DENND2A: variants seen among roughly 807,000 people sequenced by gnomAD.
DENND2A encodes the protein DENN domain containing 2A.
A neutral mutation model predicts 105.3 loss-of-function variants in DENND2A; 53 were observed. The observed-to-expected ratio is 0.50, with a 90% CI of 0.40 to 0.63. DENND2A has a LOEUF of 0.63. DENND2A is among the 30% of genes least tolerant of loss of function. The pLI is 0.00. For missense variants in DENND2A, 1,138 were observed against 1,279.6 expected (o/e 0.89, Z 1.69); for synonymous variants, 522 against 508.4 (o/e 1.03, Z -0.36).
chr7:140,562,819 T>G (rs1003815538), intron 9 of DENND2A, among the ~76,000 whole-genome samples: 1 of 152,220 alleles, frequency 6.6e-6, no homozygotes, highest in Non-Finnish European at 1.5e-5. Flanking sequence ...ATAGACTTAG[T>G]TGTCCTTTAG....
intron 1 of DENND2A, among the ~76,000 whole-genome samples, chr7:140,612,505 A>ATT (rs552346129): frequency 1.8e-3 from 260 of 145,528 alleles, no homozygotes; most frequent in Non-Finnish European, 2.7e-3. Context: ...TGTTATACTA[A>ATT]TTTTTTTTTT....
At chr7:140,528,505 C>T (rs1796141105) in intron 14 of DENND2A, among the ~76,000 whole-genome samples, 1 of 151,884 alleles carries the variant, frequency 6.6e-6, no homozygotes, top group Non-Finnish European at 1.5e-5. Context: ...CACGGTGGCT[C>T]ACGCCTGTAA....
chr7:140,628,536 C>CTTTTTTTT (rs987018660), intron 1 of DENND2A, among the ~76,000 whole-genome samples: 5 of 116,138 alleles, frequency 4.3e-5, no homozygotes, highest in African/African-American at 1.0e-4. Flanking sequence ...AAATTTCTTT[C>CTTTTTTTT]TTTTTTTTTT....
chr7:140,521,077 C>T (rs1325883900), intron 18 of DENND2A, among the ~76,000 whole-genome samples: 1 of 146,714 alleles, frequency 6.8e-6, no homozygotes, highest in Admixed American at 6.8e-5. Flanking sequence ...GGTTTCACCA[C>T]GTTGGCCAGG....
intron 5 of DENND2A, among the ~76,000 whole-genome samples, chr7:140,584,760 T>C (rs150192078): frequency 4.3e-4 from 66 of 152,206 alleles, no homozygotes; most frequent in Non-Finnish European, 7.1e-4. Flanking sequence ...ACCTCCAACA[T>C]TGGGGATGGA....
At chr7:140,531,803 G>A (rs1235362328) in intron 14 of DENND2A, among the ~76,000 whole-genome samples, 1 of 139,222 alleles carries the variant, frequency 7.2e-6, no homozygotes, top group African/African-American at 2.7e-5. Flanking sequence ...CAACAAACGC[G>A]AAACTCTGTC....
chr7:140,573,874 G>A lies in DENND2A; in HGVS notation c.1380C>T (p.Ser460=). The change falls in exon 6 of 20, where the codon AGC becomes AGT. Residue 460 remains serine (S), a synonymous_variant. Transcript: ENST00000496613. ...SKISPPSTPS[S]PDDIFFNLGD... ...CAAGGTTAAAGAAAATGTCATCAGG[G>A]CTGCTGGGAGTGGAGGGAGGGCTGA... is the stretch of plus-strand genomic sequence containing the variant. 5.0e-6 allele frequency: 8 copies of A among 1,614,138 alleles called. No homozygotes were observed. The highest frequency in any genetic ancestry group is 6.8e-6 in the Non-Finnish European group (8 of 1,180,026).
At chr7:140,618,579 T>C (rs1176786583) in intron 1 of DENND2A, among the ~76,000 whole-genome samples, 1 of 152,202 alleles carries the variant, frequency 6.6e-6, no homozygotes, top group Non-Finnish European at 1.5e-5. Context: ...AGTCTAGTGC[T>C]CCTTCGACAA....
chr7:140,544,476 TG>T, intron 14 of DENND2A, 141 bp downstream of exon 14: 1 of 1,077,944 alleles, frequency 9.3e-7, no homozygotes. Flanking sequence ...ATTACAGGTG[TG>T]AGTCACCGCG....
At chr7:140,551,316 AAAAAAAG>A (rs1382456919) in intron 12 of DENND2A, among the ~76,000 whole-genome samples, 24 of 151,438 alleles carry the variant, frequency 1.6e-4, no homozygotes, top group African/African-American at 4.8e-4. Context: ...AAAAAAAAAA[AAAAAAAG>A]AAAGGAAAAA....
At chr7:140,621,713 C>T (rs1800299245) in intron 1 of DENND2A, among the ~76,000 whole-genome samples, 1 of 152,178 alleles carries the variant, frequency 6.6e-6, no homozygotes, top group Non-Finnish European at 1.5e-5. Flanking sequence ...TGCCCTCTGA[C>T]AGTTTCCATT....
intron 2 of DENND2A, 25 bp from the exon 3 acceptor site, chr7:140,602,567 G>T: frequency 1.8e-6 from 1 of 566,658 alleles, no homozygotes; most frequent in South Asian, 5.0e-5. Flanking sequence ...CAAACACCAG[G>T]TGAGTGATTC....
At chr7:140,627,746 C>CT (rs1800589133) in intron 1 of DENND2A, among the ~76,000 whole-genome samples, 2 of 151,842 alleles carry the variant, frequency 1.3e-5, no homozygotes, top group South Asian at 4.2e-4. Context: ...GGGCTGGTCT[C>CT]TAACTCCTGG....
At chr7:140,627,826 A>G (rs1051250630) in intron 1 of DENND2A, among the ~76,000 whole-genome samples, 5 of 151,520 alleles carry the variant, frequency 3.3e-5, no homozygotes, top group Admixed American at 2.0e-4. Flanking sequence ...CATGCCCAGC[A>G]TACATTAATT....
At chr7:140,616,110 T>C (rs1403770627) in intron 1 of DENND2A, among the ~76,000 whole-genome samples, 2 of 152,126 alleles carry the variant, frequency 1.3e-5, no homozygotes, top group African/African-American at 2.4e-5. Flanking sequence ...CTCATGCCTG[T>C]AATCCCAGCA....
chr7:140,623,676 C>T (rs1246879641), intron 1 of DENND2A, among the ~76,000 whole-genome samples: 2 of 147,054 alleles, frequency 1.4e-5, no homozygotes, highest in Non-Finnish European at 3.0e-5. Context: ...TGCAGTGAGC[C>T]GAGATCATGC....
intron 5 of DENND2A, among the ~76,000 whole-genome samples, chr7:140,583,782 C>T (rs1174110899): frequency 3.4e-5 from 5 of 148,584 alleles, no homozygotes; most frequent in Non-Finnish European, 5.9e-5. Flanking sequence ...AAAAATTAGC[C>T]AGGCGTGGTG....
At chr7:140,641,233 C>T (rs960886551), upstream of DENND2A, among the ~76,000 whole-genome samples, 1 of 151,898 alleles carries the variant, frequency 6.6e-6, no homozygotes, top group Non-Finnish European at 1.5e-5. Context: ...GGCAGCTTGC[C>T]GTCGGGCCGG....
chr7:140,562,625 G>T (rs1797674867), intron 9 of DENND2A, among the ~76,000 whole-genome samples: 1 of 151,842 alleles, frequency 6.6e-6, no homozygotes, highest in African/African-American at 2.4e-5. Flanking sequence ...TCATGCCGCA[G>T]CACTCCAGCC....
Sources: allele counts gnomAD v4.1 joint callset (sites outside exome capture counted in the v4.1 genomes callset), GRCh38; gene constraint gnomAD v4.1.1; transcripts MANE v1.5; gene names NCBI Gene and HGNC (gene_info 2026-07-23, HGNC 2026-07-21).